Variants in TCF4 observed in about 807,000 individuals in gnomAD.
The protein encoded by TCF4 is transcription factor 4, also known as SL3-3 enhancer factor 2.
In TCF4, 3 loss-of-function variants were observed where a neutral mutation model predicts 82.1. The observed-to-expected ratio is 0.04, with a 90% CI of 0.02 to 0.09. The LOEUF is 0.09. TCF4 is among the 10% of genes least tolerant of loss of function. The pLI is 1.00. For synonymous variants in TCF4, 276 were observed against 309.6 expected (o/e 0.89, Z 1.14); for missense variants, 518 against 852.7 (o/e 0.61, Z 4.89).
At chr18:55,558,784 G>C (rs1054325651) in intron 3 of TCF4, among the ~76,000 whole-genome samples, 13 of 152,094 alleles carry the variant, frequency 8.5e-5, no homozygotes, top group South Asian at 6.2e-4. Context: ...TACTTATTTA[G>C]GTCACTCTCC....
chr18:55,407,229 C>T (rs2094137194), intron 5 of TCF4, among the ~76,000 whole-genome samples: 1 of 152,092 alleles, frequency 6.6e-6, no homozygotes, highest in Non-Finnish European at 1.5e-5. Flanking sequence ...TAATGGAGTA[C>T]ACGAAGGGCT....
intron 6 of TCF4, among the ~76,000 whole-genome samples, chr18:55,399,191 GT>G (rs1441681989): frequency 2.6e-5 from 4 of 152,110 alleles, no homozygotes; most frequent in Non-Finnish European, 4.4e-5. Context: ...TGAATCAAAA[GT>G]AAAAATAACA....
chr18:55,321,934 T>G (rs777845965), intron 8 of TCF4: 87 of 1,384,018 alleles, frequency 6.3e-5, no homozygotes, highest in Non-Finnish European at 7.3e-5. Flanking sequence ...CGCTCAACTT[T>G]GCGCAGCGGA....
At chr18:55,337,700 T>G (rs1232835827) in intron 8 of TCF4, among the ~76,000 whole-genome samples, 1 of 152,170 alleles carries the variant, frequency 6.6e-6, no homozygotes, top group Non-Finnish European at 1.5e-5. Flanking sequence ...AAAAATATCT[T>G]TGGGTGTCTG....
intron 5 of TCF4, among the ~76,000 whole-genome samples, chr18:55,426,016 G>C (rs1259147778): frequency 1.3e-5 from 2 of 151,896 alleles, no homozygotes; most frequent in Admixed American, 1.3e-4. Flanking sequence ...ATAGCTCTGA[G>C]ATGGATACAA....
chr18:55,489,680 T>C (rs2096555585), intron 3 of TCF4, among the ~76,000 whole-genome samples: 1 of 152,202 alleles, frequency 6.6e-6, no homozygotes, highest in African/African-American at 2.4e-5. Context: ...GCAATCTGCA[T>C]CCTGAACACA....
intron 4 of TCF4, among the ~76,000 whole-genome samples, chr18:55,462,615 T>C (rs2095890442): frequency 6.6e-6 from 1 of 152,250 alleles, no homozygotes; most frequent in Non-Finnish European, 1.5e-5. Context: ...TAAATTAAGA[T>C]GATTCTAAAC....
At chr18:55,581,648 C>T (rs1484358801) in intron 3 of TCF4, among the ~76,000 whole-genome samples, 1 of 151,904 alleles carries the variant, frequency 6.6e-6, no homozygotes, top group East Asian at 1.9e-4. Context: ...GATGTGACCA[C>T]GTTAATTTTC....
chr18:55,270,255 C>T (rs2060060691), intron 10 of TCF4, among the ~76,000 whole-genome samples: 1 of 152,056 alleles, frequency 6.6e-6, no homozygotes, highest in Non-Finnish European at 1.5e-5. Flanking sequence ...AAAATCATCT[C>T]CAGGGTTTCG....
intron 3 of TCF4, among the ~76,000 whole-genome samples, chr18:55,535,410 G>A (rs939703739): frequency 6.6e-6 from 1 of 152,170 alleles, no homozygotes; most frequent in Admixed American, 6.6e-5. Flanking sequence ...TTTTACTTAA[G>A]TATAAACAGC....
chr18:55,394,360 AT>A lies in TCF4; in HGVS notation c.369+9093del, dbSNP rs534514454. ...AATTATTCCGAAGCACGGAATTGTT[AT>A]TGTCGCAAATGCATATAAACATGGC... On this transcript the variant is annotated intron_variant, in intron 6 of 19. Coordinates refer to ENST00000354452, the MANE Select transcript of TCF4 (RefSeq NM_001083962.2). 1.1e-4 allele frequency among the ~76,000 whole-genome samples: 17 copies of A among 152,268 alleles called. No homozygotes were observed. The East Asian group carries it at 3.1e-3, about 28-fold the overall frequency.
chr18:55,443,315 G>A (rs1374115092), intron 5 of TCF4, among the ~76,000 whole-genome samples: 1 of 152,134 alleles, frequency 6.6e-6, no homozygotes. Flanking sequence ...TCATGTTCCT[G>A]AAAATTTGCC....
intron 16 of TCF4, 26 bp from the exon 17 acceptor site, chr18:55,232,697 C>T (rs1357416990): frequency 1.9e-6 from 3 of 1,613,956 alleles, no homozygotes; most frequent in Admixed American, 3.3e-5. Context: ...AATCAGGTGA[C>T]ATGTACACCA....
chr18:55,376,430 G>C (rs1023347790), intron 6 of TCF4, among the ~76,000 whole-genome samples: 3 of 152,150 alleles, frequency 2.0e-5, no homozygotes, highest in Non-Finnish European at 4.4e-5. Context: ...TGGGCCACTG[G>C]GGAGTGCCTG....
At chr18:55,481,161 A>T (rs2096422537) in intron 3 of TCF4, among the ~76,000 whole-genome samples, 1 of 152,084 alleles carries the variant, frequency 6.6e-6, no homozygotes, top group Admixed American at 6.6e-5. Flanking sequence ...AAAGAAGGAA[A>T]GAAAGCAGTG....
intron 3 of TCF4, among the ~76,000 whole-genome samples, chr18:55,509,550 T>C (rs1051941268): frequency 2.6e-5 from 4 of 152,206 alleles, no homozygotes; most frequent in Non-Finnish European, 4.4e-5. Flanking sequence ...GTTGAAAGAA[T>C]GATCCCCACT....
chr18:55,259,537 T>C (rs2057585758), intron 13 of TCF4: 2 of 162,528 alleles, frequency 1.2e-5, no homozygotes, highest in South Asian at 3.4e-4. Context: ...AAGCCTGAAA[T>C]TCCTGCAGGA....
intron 8 of TCF4, among the ~76,000 whole-genome samples, chr18:55,299,374 T>C (rs368205094): frequency 4.6e-5 from 7 of 151,570 alleles, no homozygotes; most frequent in Admixed American, 3.3e-4. Context: ...ATCGCACCAT[T>C]GCACTCCAAC....
rs550539621 is a variant in TCF4 at position 55,224,637 on chromosome 18, T to TA, written c.*3397dup. ...CCCTCATCAAAATCAAGATCACAAA[T>TA]AAAAAAAAAAATTCAGAAATAGGAA... On this transcript the variant is annotated 3_prime_UTR_variant, in exon 20 of 20. Coordinates refer to ENST00000354452, the MANE Select transcript of TCF4 (RefSeq NM_001083962.2). The TA allele has an allele frequency of 5.2e-3, 747 of 144,022 alleles. 18 individuals are homozygous for TA. In the East Asian group the frequency reaches 0.054, roughly 10 times the overall value. The allele number at this position is 144,022 out of a possible 1,614,324, so 8.9% of individuals were successfully genotyped here.
Sources: allele counts gnomAD v4.1 joint callset (sites outside exome capture counted in the v4.1 genomes callset), GRCh38; gene constraint gnomAD v4.1.1; transcripts MANE v1.5; gene names NCBI Gene and HGNC (gene_info 2026-07-23, HGNC 2026-07-21).